Variants in ZDHHC11B observed in about 807,000 individuals in gnomAD.
The protein encoded by ZDHHC11B is probable palmitoyltransferase ZDHHC11B.
A neutral mutation model predicts 42.3 loss-of-function variants in ZDHHC11B; 17 were observed. The ratio of observed to expected loss-of-function variants is 0.40; its 90% CI spans 0.27 to 0.60. The LOEUF (loss-of-function observed/expected upper bound fraction) is 0.60, where lower values mean the gene tolerates loss of function less well. ZDHHC11B is among the 20% of genes least tolerant of loss of function. The pLI is 0.41. For synonymous variants in ZDHHC11B, 123 were observed against 193.5 expected, an observed-to-expected ratio of 0.64 and a Z score of 3.02; for missense variants, 262 against 463.2, an observed-to-expected ratio of 0.57 and a Z score of 3.99.
chr5:763,814 T>G (rs1360910076), intron 4 of ZDHHC11B, among the ~76,000 whole-genome samples: 39 of 151,922 alleles, frequency 2.6e-4, no homozygotes, highest in Non-Finnish European at 5.1e-4. Context: ...AATAAAAGTT[T>G]GTTAGACACA....
chr5:732,422 G>A (rs1222427687), intron 11 of ZDHHC11B: 7 of 307,216 alleles, frequency 2.3e-5, no homozygotes, highest in African/African-American at 1.5e-4. Context: ...CGCAGGCAGA[G>A]AAACTCCCAT....
chr5:734,238 C>T (rs1247491116), intron 10 of ZDHHC11B, among the ~76,000 whole-genome samples: 1 of 128,808 alleles, frequency 7.8e-6, no homozygotes, highest in Non-Finnish European at 1.6e-5. Context: ...ACTCCAGGAA[C>T]CACCACAGCA....
intron 1 of ZDHHC11B, among the ~76,000 whole-genome samples, chr5:776,227 T>A (rs1381189037): frequency 4.0e-5 from 6 of 151,720 alleles, no homozygotes; most frequent in Non-Finnish European, 7.4e-5. Context: ...CGGGACCCTC[T>A]CGTGCCTGCA....
At chr5:766,956 C>A (rs761459773) in intron 3 of ZDHHC11B, 37 bp from the exon 4 acceptor site, 3 of 1,601,386 alleles carry the variant, frequency 1.9e-6, no homozygotes, top group Non-Finnish European at 2.6e-6. Context: ...GCGCCATCAG[C>A]TCCGGGGAGG....
intron 7 of ZDHHC11B, 76 bp downstream of exon 7, chr5:751,057 C>T: frequency 1.2e-6 from 1 of 849,356 alleles, no homozygotes; most frequent in Non-Finnish European, 1.6e-6. Context: ...GGGCCGACCA[C>T]CCCAGACCCG....
chr5:766,405 C>A (rs1228744596), intron 4 of ZDHHC11B, among the ~76,000 whole-genome samples: 1 of 151,892 alleles, frequency 6.6e-6, no homozygotes, highest in Non-Finnish European at 1.5e-5. Context: ...CCAACCTGAC[C>A]CTGAGCCATG....
chr5:758,868 T>C (rs1734204952), intron 4 of ZDHHC11B, among the ~76,000 whole-genome samples: 1 of 151,918 alleles, frequency 6.6e-6, no homozygotes, highest in Admixed American at 6.6e-5. Flanking sequence ...GGGACATCCG[T>C]CACCCATAGG....
At chr5:751,410 G>GCGTGGGGTGTGCAGGGGCATGCGGGTCA (rs1554036609) in intron 6 of ZDHHC11B, among the ~76,000 whole-genome samples, 153 bp from the exon 7 acceptor site, 1 of 51,402 alleles carries the variant, frequency 1.9e-5, no homozygotes, top group African/African-American at 4.8e-5. Flanking sequence ...GCAAGGGCAG[G>GCGTGGGGTGTGCAGGGGCATGCGGGTCA]TGTGGGACAG....
At chr5:719,228 T>C (rs1242701161) in intron 12 of ZDHHC11B, among the ~76,000 whole-genome samples, 3 of 151,718 alleles carry the variant, frequency 2.0e-5, no homozygotes, top group East Asian at 1.9e-4. Context: ...TACCACATTA[T>C]GATACACAGA....
intron 6 of ZDHHC11B, among the ~76,000 whole-genome samples, chr5:751,474 C>CAT (rs1561157276): frequency 1.4e-4 from 4 of 28,246 alleles, no homozygotes; most frequent in Admixed American, 5.3e-4. Flanking sequence ...GAGGCAGGGG[C>CAT]GGGGGCATGC....
chr5:778,746 T>C (rs1736745932), intron 1 of ZDHHC11B, among the ~76,000 whole-genome samples: 1 of 151,770 alleles, frequency 6.6e-6, no homozygotes, highest in African/African-American at 2.4e-5. Context: ...GAGCCCTAAA[T>C]CCAATGGTGA....
chr5:770,489 C>A (rs1185362821), intron 1 of ZDHHC11B, among the ~76,000 whole-genome samples: 1 of 151,030 alleles, frequency 6.6e-6, no homozygotes, highest in East Asian at 1.9e-4. Context: ...TATTCCGGGT[C>A]CCCTCCCCGC....
At chr5:771,313 G>A (rs1175848763) in intron 1 of ZDHHC11B, among the ~76,000 whole-genome samples, 2 of 151,658 alleles carry the variant, frequency 1.3e-5, no homozygotes, top group Non-Finnish European at 2.9e-5. Flanking sequence ...AAAATCCAGG[G>A]GCACTCCCTA....
chr5:763,641 C>G (rs1417447589), intron 4 of ZDHHC11B, among the ~76,000 whole-genome samples: 1 of 151,706 alleles, frequency 6.6e-6, no homozygotes, highest in African/African-American at 2.4e-5. Context: ...CACAGCAGCC[C>G]CATGGCACGT....
intron 1 of ZDHHC11B, among the ~76,000 whole-genome samples, chr5:778,918 C>T (rs1439596278): frequency 6.6e-6 from 1 of 151,826 alleles, no homozygotes; most frequent in Non-Finnish European, 1.5e-5. Context: ...GGGGGCCAGG[C>T]TCCTGGGAAT....
chr5:752,040 A>G (rs1745845068), intron 6 of ZDHHC11B, among the ~76,000 whole-genome samples: 1 of 124,386 alleles, frequency 8.0e-6, no homozygotes, highest in African/African-American at 2.6e-5. Flanking sequence ...CACCTGATGC[A>G]GACAGGCCTC....
intron 1 of ZDHHC11B, among the ~76,000 whole-genome samples, chr5:779,058 A>G (rs571860522): frequency 1.3e-5 from 2 of 151,294 alleles, no homozygotes; most frequent in East Asian, 1.9e-4. Flanking sequence ...CAGCCTCCAG[A>G]ACTGTGAGAA....
At chr5:756,488 G>A (rs1168052933) in intron 4 of ZDHHC11B, among the ~76,000 whole-genome samples, 1 of 151,720 alleles carries the variant, frequency 6.6e-6, no homozygotes, top group Non-Finnish European at 1.5e-5. Flanking sequence ...GACCGGGAAG[G>A]CTGCCCCCAT....
chr5:726,304 C>G (rs1167393136), intron 12 of ZDHHC11B, among the ~76,000 whole-genome samples: 3 of 151,306 alleles, frequency 2.0e-5, no homozygotes, highest in Non-Finnish European at 4.4e-5. Context: ...CAGGCAGAGC[C>G]TGAAGTAGAA....
Sources: gnomAD v4.1 joint callset for allele counts (sites outside exome capture counted in the v4.1 genomes callset) on GRCh38, gnomAD v4.1.1 for gene constraint, MANE v1.5 for transcripts, NCBI Gene and HGNC (gene_info 2026-07-23, HGNC 2026-07-21) for gene names.